The following ZNF736 variants were observed in gnomAD, a reference collection of about 807,000 sequenced individuals.
ZNF736 encodes zinc finger protein 736, also known as KRAB-containing zinc-finger repressor protein.
A neutral mutation model predicts 11.7 loss-of-function variants in ZNF736; 6 were observed. That is an observed-to-expected ratio of 0.51 (90% confidence interval 0.28 to 1.01). The LOEUF is 1.01. ZNF736 is among the 50% of genes least tolerant of loss of function. ZNF736 has a pLI of 0.09. For synonymous variants in ZNF736, 139 were observed against 164.7 expected (o/e 0.84, Z 1.19); for missense variants, 444 against 496.0 (o/e 0.90, Z 1.00).
Position 64,341,312 on chromosome 7 carries a change from C to CT in ZNF736, c.226+4340dup, listed in dbSNP as rs72101540. ...TCTTCAAGTGGGGTATGTTTTCTGT[C>CT]TTTTTTTTTTATGTTACGTGATCCT... On this transcript the variant is annotated intron_variant, in intron 3 of 3. Transcript: ENST00000423484. 0.032 allele frequency among the ~76,000 whole-genome samples: 4,782 copies of CT among 148,708 alleles called. 394 individuals carry two copies. In the East Asian group the frequency reaches 0.35, roughly 11 times the overall value.
Position 64,353,529 on chromosome 7 carries a change from T to G in ZNF736, c.*4382T>G, listed in dbSNP as rs1302430183. On this transcript the variant is annotated 3_prime_UTR_variant, in exon 4 of 4. Coordinates refer to ENST00000423484, the MANE Select transcript of ZNF736 (RefSeq NM_001170905.3). The stretch of plus-strand genomic sequence containing the variant: ...TTCAATATAATTTAACTCTTACATT[T>G]GATGCTGTGTCTTCATTTCTAGAAT... 1 of 152,262 alleles carries G rather than the reference T, an allele frequency of 6.6e-6. No individual in the cohort carries two copies. The highest frequency in any genetic ancestry group is 1.5e-5 in the Non-Finnish European group (1 of 68,048). The allele number at this position is 152,262 out of a possible 1,614,324, so 9.4% of individuals were successfully genotyped here.
At chr7:64,332,733 C>G (rs1789188415) in intron 1 of ZNF736, among the ~76,000 whole-genome samples, 1 of 152,062 alleles carries the variant, frequency 6.6e-6, no homozygotes, top group South Asian at 2.1e-4. Flanking sequence ...ATAGACCTCC[C>G]CCCAGGAGTG....
chr7:64,338,026 A>G (rs1473290037), intron 3 of ZNF736, among the ~76,000 whole-genome samples: 1 of 152,138 alleles, frequency 6.6e-6, no homozygotes, highest in Non-Finnish European at 1.5e-5. Flanking sequence ...AAATGCTAGG[A>G]TTATAGGTAT....
chr7:64,314,687 C>G (rs1788886444), intron 1 of ZNF736, among the ~76,000 whole-genome samples: 2 of 152,214 alleles, frequency 1.3e-5, no homozygotes, highest in South Asian at 4.1e-4. Flanking sequence ...ACCCCAGCCC[C>G]CCAAGTAGCT....
Position 64,352,016 on chromosome 7 carries a change from T to G in ZNF736, c.*2869T>G, listed in dbSNP as rs1789495544. 1 of 152,210 alleles carries G rather than the reference T, an allele frequency of 6.6e-6. No homozygotes were observed. The highest frequency in any genetic ancestry group is 1.5e-5 in the Non-Finnish European group (1 of 68,050). The allele number at this position is 152,210 out of a possible 1,614,324, so 9.4% of individuals were successfully genotyped here. A position where few individuals can be genotyped will look rare whatever the true frequency, so the allele number is the denominator to read the frequency against. On this transcript the variant is annotated 3_prime_UTR_variant, in exon 4 of 4. Transcript: ENST00000423484. ...CTGAGGGTAGCAAGGACAGTTGTACTGCAGAGGCCCCTGGAGGCTCTGTCC... is the reference window on the plus strand; with the variant it reads ...CTGAGGGTAGCAAGGACAGTTGTACGGCAGAGGCCCCTGGAGGCTCTGTCC...
At chr7:64,317,350 AT>A (rs949980377) in intron 1 of ZNF736, among the ~76,000 whole-genome samples, 13 of 152,154 alleles carry the variant, frequency 8.5e-5, no homozygotes, top group Admixed American at 3.3e-4. Flanking sequence ...AGGCAAAAAC[AT>A]TTTTTTCCAA....
intron 3 of ZNF736, among the ~76,000 whole-genome samples, chr7:64,347,743 C>A (rs1443710854): frequency 2.0e-5 from 3 of 152,110 alleles, no homozygotes; most frequent in Non-Finnish European, 2.9e-5. Context: ...ACACATGTGC[C>A]ACTATTTTAT....
intron 3 of ZNF736, among the ~76,000 whole-genome samples, chr7:64,337,756 G>GTTTTTTTTTTTTTTTTTTTTTTTTTT: frequency 8.9e-6 from 1 of 112,508 alleles, no homozygotes; most frequent in Non-Finnish European, 1.7e-5. Flanking sequence ...GTTTTTTTTG[G>GTTTTTTTTTTTTTTTTTTTTTTTTTT]TTTTTTTTTT....
intron 1 of ZNF736, among the ~76,000 whole-genome samples, chr7:64,329,899 GT>G (rs1311417150): frequency 6.6e-6 from 1 of 152,202 alleles, no homozygotes; most frequent in African/African-American, 2.4e-5. Context: ...AGAACATGGA[GT>G]CAGAAACCTT....
intron 3 of ZNF736, chr7:64,337,223 G>T (rs1329606570): frequency 1.2e-5 from 5 of 403,166 alleles, no homozygotes; most frequent in Non-Finnish European, 1.8e-5. Flanking sequence ...GTTTTGTTTT[G>T]TTTTTTGTTT....
chr7:64,345,326 A>G (rs1789395267), intron 3 of ZNF736, among the ~76,000 whole-genome samples: 1 of 151,520 alleles, frequency 6.6e-6, no homozygotes, highest in Admixed American at 6.6e-5. Context: ...CCGGCCAGGA[A>G]AAGTAAAATT....
chr7:64,325,886 T>G (rs189514536), intron 1 of ZNF736, among the ~76,000 whole-genome samples: 32 of 152,258 alleles, frequency 2.1e-4, no homozygotes, highest in Admixed American at 2.0e-3. Flanking sequence ...GCCAAGGAAA[T>G]CTTATTTTGC....
intron 1 of ZNF736, among the ~76,000 whole-genome samples, chr7:64,319,479 C>A (rs1450751417): frequency 3.3e-5 from 4 of 120,880 alleles, no homozygotes; most frequent in East Asian, 2.5e-4. Context: ...AAATAGAAAA[C>A]ATTTCTTCCC....
chr7:64,330,681 C>G (rs545345948), intron 1 of ZNF736, among the ~76,000 whole-genome samples: 1 of 152,114 alleles, frequency 6.6e-6, no homozygotes, highest in African/African-American at 2.4e-5. Flanking sequence ...GGGTCTCACC[C>G]GCCGAAGGGC....
chr7:64,348,584 T>A lies in ZNF736; in HGVS notation c.721T>A (p.Ser241Thr). The change falls in exon 4 of 4, where the codon TCC (serine) becomes ACC (threonine). Residue 241 changes from serine (S) to threonine (T), a missense_variant. Physicochemically the swap from Ser to Thr is moderately conservative, Grantham distance 58. Coordinates refer to ENST00000423484, the MANE Select transcript of ZNF736 (RefSeq NM_001170905.3). ...CEGCGKTFTC[S>T]STLVKHKRNH... ...AGGATGTGGCAAAACTTTTACCTGC[T>A]CCTCAACCCTTGTTAAACACAAGAG... 1 of 1,592,194 alleles carries A rather than the reference T, an allele frequency of 6.3e-7. No homozygotes were observed.
At position 64,354,783 on chromosome 7, in the gene ZNF736, TGTTTA is replaced by T. The variant is rs1789533512; in HGVS notation, c.*5640_*5644del. The T allele has an allele frequency of 6.6e-6, 1 of 152,234 alleles. No homozygotes were observed. Among genetic ancestry groups the T allele is most frequent in the Non-Finnish European group, 1.5e-5 (1 of 68,030 alleles). The allele number at this position is 152,234 out of a possible 1,614,324, so 9.4% of individuals were successfully genotyped here. The stretch of plus-strand genomic sequence containing the variant: ...AGAGAATGCTATTGAATCCAGTTTT[TGTTTA>T]GTTACTGTTCATTTTACTTTATAAA... On this transcript the variant is annotated 3_prime_UTR_variant, in exon 4 of 4. Coordinates refer to ENST00000423484, the MANE Select transcript of ZNF736 (RefSeq NM_001170905.3).
chr7:64,331,166 A>G (rs1789160459), intron 1 of ZNF736, among the ~76,000 whole-genome samples: 1 of 152,146 alleles, frequency 6.6e-6, no homozygotes, highest in South Asian at 2.1e-4. Flanking sequence ...ACTGCCTTTC[A>G]AGTTTATTTA....
chr7:64,321,478 G>A (rs1447440986), intron 1 of ZNF736, among the ~76,000 whole-genome samples: 2 of 152,176 alleles, frequency 1.3e-5, no homozygotes, highest in African/African-American at 4.8e-5. Context: ...TAGACTGCCA[G>A]TATTATGACC....
chr7:64,314,753 C>A (rs1788887378), intron 1 of ZNF736, among the ~76,000 whole-genome samples: 1 of 152,106 alleles, frequency 6.6e-6, no homozygotes. Flanking sequence ...TTTGTAGAGA[C>A]AGGCTTTTGC....
Sources: gnomAD v4.1 joint callset for allele counts (sites outside exome capture counted in the v4.1 genomes callset) on GRCh38, gnomAD v4.1.1 for gene constraint, MANE v1.5 for transcripts, NCBI Gene and HGNC (gene_info 2026-07-23, HGNC 2026-07-21) for gene names.